The following RABGAP1L variants were observed in gnomAD, a reference collection of about 807,000 sequenced individuals.
The protein encoded by RABGAP1L is RAB GTPase activating protein 1 like.
In RABGAP1L, 63 loss-of-function variants were observed where a neutral mutation model predicts 137.7. That is an observed-to-expected ratio of 0.46 (90% confidence interval 0.37 to 0.56). RABGAP1L has a LOEUF of 0.56. Ranked by LOEUF, RABGAP1L falls within the 20% of genes least tolerant of loss-of-function variation. The pLI, the probability that RABGAP1L is intolerant of heterozygous loss-of-function variation, is 0.00. For missense variants in RABGAP1L, 1,095 were observed against 1,244.0 expected (o/e 0.88, Z 1.80); for synonymous variants, 431 against 433.7 (o/e 0.99, Z 0.08).
intron 1 of RABGAP1L, among the ~76,000 whole-genome samples, chr1:174,168,782 T>C (rs545171251): frequency 2.0e-5 from 3 of 152,332 alleles, no homozygotes; most frequent in Admixed American, 6.5e-5. Context: ...CTAATGAACA[T>C]AGAAAATTTT....
chr1:174,514,227 G>A (rs1054884952), intron 13 of RABGAP1L, among the ~76,000 whole-genome samples: 5 of 131,316 alleles, frequency 3.8e-5, no homozygotes, highest in African/African-American at 1.5e-4. Flanking sequence ...AAATCATGAA[G>A]CATGTGTTAT....
At chr1:174,980,020 G>A (rs1159898957) in intron 23 of RABGAP1L, among the ~76,000 whole-genome samples, 4 of 152,106 alleles carry the variant, frequency 2.6e-5, no homozygotes, top group Non-Finnish European at 5.9e-5. Context: ...TTGTGTTCTT[G>A]TGGAAAATTA....
At chr1:174,802,652 T>C (rs931058391) in intron 18 of RABGAP1L, among the ~76,000 whole-genome samples, 3 of 152,220 alleles carry the variant, frequency 2.0e-5, no homozygotes, top group Non-Finnish European at 4.4e-5. Context: ...TGGGGGCCAC[T>C]TGAAAATCTC....
intron 7 of RABGAP1L, 83 bp from the exon 8 acceptor site, chr1:174,272,331 T>C: frequency 7.1e-7 from 1 of 1,413,338 alleles, no homozygotes; most frequent in South Asian, 1.4e-5. Context: ...ATTGTATAGT[T>C]ATTGTAAAAA....
intron 19 of RABGAP1L, among the ~76,000 whole-genome samples, chr1:174,862,002 C>G (rs1464446329): frequency 6.6e-6 from 1 of 151,978 alleles, no homozygotes; most frequent in Non-Finnish European, 1.5e-5. Flanking sequence ...GTGCTTGTGT[C>G]AAAAAATCAT....
intron 18 of RABGAP1L, among the ~76,000 whole-genome samples, chr1:174,802,836 T>C (rs539643628): frequency 6.6e-6 from 1 of 152,316 alleles, no homozygotes; most frequent in South Asian, 2.1e-4. Flanking sequence ...TGTTCAGCCT[T>C]GTGTTATTGA....
At chr1:174,185,025 C>T (rs1666695747) in intron 1 of RABGAP1L, among the ~76,000 whole-genome samples, 1 of 152,136 alleles carries the variant, frequency 6.6e-6, no homozygotes, top group Admixed American at 6.6e-5. Flanking sequence ...GTGGTGGCAA[C>T]CCTTCCCTGC....
intron 1 of RABGAP1L, among the ~76,000 whole-genome samples, chr1:174,164,929 A>G (rs781696752): frequency 6.6e-6 from 1 of 152,206 alleles, no homozygotes; most frequent in Non-Finnish European, 1.5e-5. Flanking sequence ...TCTGGACTCA[A>G]TCTGGAGTTG....
intron 1 of RABGAP1L, among the ~76,000 whole-genome samples, chr1:174,176,931 C>T (rs1333901007): frequency 6.6e-6 from 1 of 151,784 alleles, no homozygotes; most frequent in African/African-American, 2.4e-5. Flanking sequence ...AAAAAATTAG[C>T]TGGGCATGGT....
At chr1:174,887,742 A>G (rs543643975) in intron 19 of RABGAP1L, among the ~76,000 whole-genome samples, 1 of 152,164 alleles carries the variant, frequency 6.6e-6, no homozygotes, top group African/African-American at 2.4e-5. Context: ...TTTAAATACA[A>G]TTACTAAAAT....
intron 14 of RABGAP1L, among the ~76,000 whole-genome samples, chr1:174,656,392 A>G (rs1675974907): frequency 6.6e-6 from 1 of 152,200 alleles, no homozygotes; most frequent in Non-Finnish European, 1.5e-5. Context: ...TGGGAGGCAG[A>G]GGTTGCAGAG....
rs1401097969 is a variant in RABGAP1L at position 174,990,233 on chromosome 1, TCATAGTATTACA to T, written c.*236_*247del. On this transcript the variant is annotated 3_prime_UTR_variant, in exon 26 of 26. Coordinates refer to ENST00000681986, the MANE Select transcript of RABGAP1L (RefSeq NM_001366446.1). ...TTCTGGAAGGCCATGTTCAGATCCA[TCATAGTATTACA>T]CATTATTTTGTTTGCCTGATGTTTA... 1 of 439,688 alleles carries T rather than the reference TCATAGTATTACA, an allele frequency of 2.3e-6. No homozygotes were observed. The highest frequency in any genetic ancestry group is 4.0e-6 in the Non-Finnish European group (1 of 252,572). The allele number at this position is 439,688 out of a possible 1,614,324, so 27.2% of individuals were successfully genotyped here. A position where few individuals can be genotyped will look rare whatever the true frequency, so the allele number is the denominator to read the frequency against.
chr1:174,827,709 A>G (rs775803084), intron 19 of RABGAP1L, among the ~76,000 whole-genome samples: 6 of 147,474 alleles, frequency 4.1e-5, no homozygotes, highest in Admixed American at 6.8e-5. Context: ...CTCCACTTCT[A>G]TCAGCCCACT....
chr1:174,924,604 A>G (rs530228059), intron 19 of RABGAP1L, among the ~76,000 whole-genome samples: 4 of 152,140 alleles, frequency 2.6e-5, no homozygotes, highest in African/African-American at 9.6e-5. Flanking sequence ...CCCAGAAAAG[A>G]TTTTGTCCCC....
intron 13 of RABGAP1L, among the ~76,000 whole-genome samples, chr1:174,615,310 G>A (rs1438380573): frequency 6.6e-6 from 1 of 152,206 alleles, no homozygotes; most frequent in Non-Finnish European, 1.5e-5. Flanking sequence ...ACCCTCAGCT[G>A]CAGGTCTTTT....
At chr1:174,178,340 G>A (rs1666058553) in intron 1 of RABGAP1L, among the ~76,000 whole-genome samples, 1 of 152,140 alleles carries the variant, frequency 6.6e-6, no homozygotes, top group South Asian at 2.1e-4. Context: ...CTTTGCCGAA[G>A]TTGCTTATCA....
chr1:174,504,336 A>G (rs970609808), intron 13 of RABGAP1L, among the ~76,000 whole-genome samples: 4 of 152,104 alleles, frequency 2.6e-5, no homozygotes, highest in Middle Eastern at 6.8e-3. Context: ...AAATAACCCT[A>G]AAACTTGTTT....
chr1:174,352,649 C>G (rs1424929368), intron 11 of RABGAP1L, among the ~76,000 whole-genome samples: 1 of 152,060 alleles, frequency 6.6e-6, no homozygotes, highest in African/African-American at 2.4e-5. Flanking sequence ...TGTTGGGTGT[C>G]TGAACATTGA....
At chr1:174,617,525 C>G (rs1671999867) in intron 13 of RABGAP1L, among the ~76,000 whole-genome samples, 1 of 152,116 alleles carries the variant, frequency 6.6e-6, no homozygotes, top group South Asian at 2.1e-4. Flanking sequence ...CATTCCTATT[C>G]TTTTGTATTG....
Sources: gnomAD v4.1 joint callset for allele counts (sites outside exome capture counted in the v4.1 genomes callset) on GRCh38, gnomAD v4.1.1 for gene constraint, MANE v1.5 for transcripts, NCBI Gene and HGNC (gene_info 2026-07-23, HGNC 2026-07-21) for gene names.